Variants in EML6 observed in about 807,000 individuals in gnomAD.
EML6 encodes the protein echinoderm microtubule-associated protein-like 6.
EML6 carries 154 observed loss-of-function variants against 240.1 expected under a neutral mutation model. That is an observed-to-expected ratio of 0.64 (90% CI 0.56 to 0.73). The LOEUF is 0.73. Among genes scored for constraint, EML6 ranks in the 30% least tolerant of loss-of-function variants. The probability of loss-of-function intolerance (pLI) is 0.00; values close to 1 mark genes in which losing one functional copy is unlikely to be tolerated. For synonymous variants in EML6, 1,148 were observed against 899.0 expected, an observed-to-expected ratio of 1.28 and a Z score of -4.95; for missense variants, 2,964 against 2,474.6, an observed-to-expected ratio of 1.20 and a Z score of -4.20.
intron 2 of EML6, among the ~76,000 whole-genome samples, chr2:54,809,151 A>C (rs1490112777): frequency 6.6e-6 from 1 of 152,230 alleles, no homozygotes; most frequent in Non-Finnish European, 1.5e-5. Flanking sequence ...TAAAAGTTTT[A>C]ATATTGTGAC....
At position 54,827,599 on chromosome 2, in the gene EML6, A is replaced by G. The variant is rs1668658421; in HGVS notation, c.559A>G (p.Lys187Glu). The change falls in exon 6 of 42, where the codon AAA becomes GAA. Residue 187 changes from lysine to glutamate, a missense_variant. Physicochemically the swap from Lys to Glu is moderately conservative, Grantham distance 56. Transcript: ENST00000356458. Reference sequence around the variant, plus strand: ...ACTGTGTGGAAATGCCCTGACTGCAAAAAGAGGGATATTTGGCAAAACAGG... The same window carrying G: ...ACTGTGTGGAAATGCCCTGACTGCAGAAAGAGGGATATTTGGCAAAACAGG... ...WTLCGNALTAKRGIFGKTGDL... is the reference protein window; with the variant it reads ...WTLCGNALTAERGIFGKTGDL... The G allele has an allele frequency of 1.3e-6, 2 of 1,551,590 alleles. No individual in the cohort carries two copies. Among genetic ancestry groups the G allele is most frequent in the Admixed American group, 2.0e-5 (1 of 50,996 alleles).
intron 2 of EML6, among the ~76,000 whole-genome samples, chr2:54,783,355 T>G (rs1668938507): frequency 6.6e-6 from 1 of 152,228 alleles, no homozygotes; most frequent in Non-Finnish European, 1.5e-5. Context: ...GATTTTTAAT[T>G]TATGCTTTAA....
chr2:54,824,311 C>T (rs532801880), intron 5 of EML6, among the ~76,000 whole-genome samples: 3 of 152,254 alleles, frequency 2.0e-5, no homozygotes, highest in African/African-American at 7.2e-5. Context: ...GACATTTTTT[C>T]TAAGCAAATA....
intron 8 of EML6, among the ~76,000 whole-genome samples, chr2:54,846,923 A>ATTTTTTTTTTTTTTTTTTTTTTTTT (rs34352060): frequency 1.5e-5 from 2 of 129,912 alleles, no homozygotes; most frequent in Non-Finnish European, 3.3e-5. Flanking sequence ...ATGAAGTAGT[A>ATTTTTTTTTTTTTTTTTTTTTTTTT]TTTTTTTTTT....
At chr2:54,847,750 G>C (rs551825081) in intron 9 of EML6, 127 bp downstream of exon 9, 27 of 951,178 alleles carry the variant, frequency 2.8e-5, no homozygotes, top group Non-Finnish European at 3.8e-5. Context: ...GAATACTATA[G>C]ATCTACGATC....
chr2:54,828,417 T>A (rs1668703250), intron 6 of EML6, among the ~76,000 whole-genome samples: 1 of 152,186 alleles, frequency 6.6e-6, no homozygotes, highest in Non-Finnish European at 1.5e-5. Context: ...TCCCTATAAA[T>A]GGGAAGATGA....
intron 2 of EML6, among the ~76,000 whole-genome samples, chr2:54,782,058 A>C (rs1338143752): frequency 6.6e-6 from 1 of 152,168 alleles, no homozygotes; most frequent in Non-Finnish European, 1.5e-5. Context: ...AGTTTTCTCT[A>C]TTTTATGCCA....
At chr2:54,895,058 T>C (rs1672690708) in intron 20 of EML6, 32 bp downstream of exon 20, 2 of 1,474,472 alleles carry the variant, frequency 1.4e-6, no homozygotes, top group East Asian at 2.5e-5. Flanking sequence ...TAGAGATCTT[T>C]GTATTCATAG....
At chr2:54,913,690 T>C (rs1387925306) in intron 25 of EML6, among the ~76,000 whole-genome samples, 1 of 152,238 alleles carries the variant, frequency 6.6e-6, no homozygotes, top group African/African-American at 2.4e-5. Flanking sequence ...TTTTTGTTTT[T>C]GTTACAATTG....
intron 16 of EML6, among the ~76,000 whole-genome samples, chr2:54,878,402 A>G (rs111449133): frequency 3.9e-5 from 6 of 152,206 alleles, no homozygotes; most frequent in African/African-American, 1.2e-4. Flanking sequence ...TCTCCTAGCA[A>G]CCGCACAGCT....
chr2:54,844,409 C>T (rs943825379), intron 8 of EML6, among the ~76,000 whole-genome samples, 161 bp downstream of exon 8: 1 of 152,196 alleles, frequency 6.6e-6, no homozygotes, highest in Non-Finnish European at 1.5e-5. Context: ...GCATTTTGCT[C>T]CTGCTGTTGT....
At chr2:54,859,382 C>A (rs1208644174) in intron 11 of EML6, among the ~76,000 whole-genome samples, 152 bp from the exon 12 acceptor site, 1 of 152,164 alleles carries the variant, frequency 6.6e-6, no homozygotes, top group African/African-American at 2.4e-5. Context: ...TATTTTGAAG[C>A]ATTTGGTTAT....
intron 22 of EML6, among the ~76,000 whole-genome samples, chr2:54,902,561 G>A (rs1263163244): frequency 6.9e-6 from 1 of 145,494 alleles, no homozygotes; most frequent in East Asian, 1.9e-4. Flanking sequence ...ACTATTCCTG[G>A]CTAATTTTTG....
chr2:54,859,554 G>T lies in EML6; in HGVS notation c.1678G>T (p.Val560Leu). ...LKRGAKFRKY[V>L]GHSAHVTNVR... ...TTCAGGAGCCAAATTTAGAAAGTAT[G>T]TGGGCCATTCTGCACATGTCACAAA... The change falls in exon 12 of 42, where the codon GTG becomes TTG. Residue 560 changes from valine to leucine, a missense_variant. Val to Leu is a conservative substitution (Grantham distance 32). Coordinates refer to ENST00000356458, the MANE Select transcript of EML6 (RefSeq NM_001039753.4). 1 of 1,550,438 alleles carries T rather than the reference G, an allele frequency of 6.4e-7. No homozygotes were observed. Among genetic ancestry groups the T allele is most frequent in the Non-Finnish European group, 8.7e-7 (1 of 1,146,668 alleles).
At chr2:54,752,576 T>A (rs1684225144) in intron 2 of EML6, among the ~76,000 whole-genome samples, 1 of 152,228 alleles carries the variant, frequency 6.6e-6, no homozygotes, top group African/African-American at 2.4e-5. Context: ...TGGGGCTGAA[T>A]TATTCAACAT....
In EML6 at chr2:54,964,530, A is replaced by G. The variant is rs1026085740; in HGVS notation, c.5331-41A>G. ...CCTTCGTGCCTGACCAGCCCCAAAC[A>G]GCCCTCCTCATGGACTCTGCTCTCG... On this transcript the variant is annotated intron_variant, in intron 37 of 41. Transcript: ENST00000356458. 12 of 1,545,054 alleles carry G rather than the reference A, an allele frequency of 7.8e-6. No homozygotes were observed. The African/African-American group carries it at 1.5e-4, about 19-fold the overall frequency.
chr2:54,950,803 G>A, intron 30 of EML6, 24 bp downstream of exon 30: 1 of 1,541,860 alleles, frequency 6.5e-7, no homozygotes, highest in Non-Finnish European at 8.8e-7. Flanking sequence ...AAAAAATACA[G>A]GTTTTTCTTT....
chr2:54,957,134 A>G (rs1163809049), intron 32 of EML6, among the ~76,000 whole-genome samples: 1 of 152,168 alleles, frequency 6.6e-6, no homozygotes, highest in Admixed American at 6.5e-5. Flanking sequence ...ACAGGTAAGG[A>G]AACTAAAGCA....
intron 2 of EML6, among the ~76,000 whole-genome samples, chr2:54,734,732 T>C (rs1459914752): frequency 1.3e-5 from 2 of 152,244 alleles, no homozygotes; most frequent in South Asian, 4.1e-4. Flanking sequence ...GAGATACTGG[T>C]GCATACCTGC....
Sources: allele counts gnomAD v4.1 joint callset (sites outside exome capture counted in the v4.1 genomes callset), GRCh38; gene constraint gnomAD v4.1.1; transcripts MANE v1.5; gene names NCBI Gene and HGNC (gene_info 2026-07-23, HGNC 2026-07-21).